Variants in TMEM178B observed in about 807,000 individuals in gnomAD.
TMEM178B encodes the protein transmembrane protein 178B.
Under a neutral mutation model 31.0 loss-of-function variants are expected in TMEM178B, and 5 were observed. The observed-to-expected ratio is 0.16, with a 90% CI of 0.08 to 0.34. The LOEUF (loss-of-function observed/expected upper bound fraction) is 0.34. TMEM178B is among the 10% of genes least tolerant of loss of function. The pLI is 1.00. For synonymous variants in TMEM178B, 164 were observed against 164.0 expected (o/e 1.00, Z 0.00); for missense variants, 275 against 400.3 (o/e 0.69, Z 2.67).
the TMEM178B span, among the ~76,000 whole-genome samples, chr7:141,494,837 G>A: frequency 2.4e-4 from 37 of 152,166 alleles, no homozygotes; most frequent in African/African-American, 4.8e-4. Context: ...AAATGTAGGC[G>A]CTGAGATAGT....
intron 2 of TMEM178B, among the ~76,000 whole-genome samples, chr7:141,301,381 A>G (rs953106525): frequency 1.3e-5 from 2 of 152,188 alleles, no homozygotes; most frequent in Non-Finnish European, 2.9e-5. Flanking sequence ...CTTAATTTGA[A>G]TAGGGACTTA....
chr7:141,481,798 A>G (rs1802481151), downstream of TMEM178B, among the ~76,000 whole-genome samples: 1 of 152,110 alleles, frequency 6.6e-6, no homozygotes, highest in African/African-American at 2.4e-5. Context: ...AAGAATGGAA[A>G]TACCACTGAT....
chr7:141,490,364 AAG>A, the TMEM178B span, among the ~76,000 whole-genome samples: 8 of 152,204 alleles, frequency 5.3e-5, no homozygotes, highest in Admixed American at 5.2e-4. Flanking sequence ...TGTCTGTAAA[AAG>A]AGGAAATTTG....
At chr7:141,504,689 A>G in the TMEM178B span, among the ~76,000 whole-genome samples, 3 of 152,248 alleles carry the variant, frequency 2.0e-5, no homozygotes, top group Non-Finnish European at 4.4e-5. Context: ...AATTACAACA[A>G]TCTTTCTTTT....
At chr7:141,148,696 A>T (rs1460946050) in intron 1 of TMEM178B, among the ~76,000 whole-genome samples, 2 of 152,268 alleles carry the variant, frequency 1.3e-5, no homozygotes, top group Non-Finnish European at 2.9e-5. Context: ...TGGTGCAGAG[A>T]ATAGAGCAGT....
intron 2 of TMEM178B, among the ~76,000 whole-genome samples, chr7:141,433,388 A>G (rs1439856022): frequency 3.3e-5 from 5 of 152,136 alleles, no homozygotes; most frequent in Non-Finnish European, 5.9e-5. Flanking sequence ...CTTCTCTGAT[A>G]CTGACTTTAG....
At chr7:141,489,413 C>T in the TMEM178B span, among the ~76,000 whole-genome samples, 1 of 152,350 alleles carries the variant, frequency 6.6e-6, no homozygotes, top group East Asian at 1.9e-4. Context: ...TTGGCTTCTT[C>T]TCCATCATTT....
chr7:141,241,557 T>G (rs1312376608), intron 2 of TMEM178B, among the ~76,000 whole-genome samples: 1 of 126,726 alleles, frequency 7.9e-6, no homozygotes, highest in Non-Finnish European at 1.6e-5. Context: ...GCTGTTGCAC[T>G]CCAGCCTGGG....
intron 1 of TMEM178B, among the ~76,000 whole-genome samples, chr7:141,203,067 A>G (rs1309216683): frequency 6.6e-6 from 1 of 152,196 alleles, no homozygotes; most frequent in Non-Finnish European, 1.5e-5. Flanking sequence ...AAAGAATCCA[A>G]TGTGATAATG....
At chr7:141,470,043 A>G (rs1366369926) in intron 3 of TMEM178B, among the ~76,000 whole-genome samples, 2 of 152,380 alleles carry the variant, frequency 1.3e-5, no homozygotes, top group African/African-American at 4.8e-5. Context: ...TTTTGGAAGA[A>G]TTGTTGGTGA....
intron 2 of TMEM178B, among the ~76,000 whole-genome samples, chr7:141,391,319 C>A (rs1175969344): frequency 6.6e-6 from 1 of 152,104 alleles, no homozygotes; most frequent in Non-Finnish European, 1.5e-5. Context: ...GTAGGCACCA[C>A]CACGCCCGGC....
intron 1 of TMEM178B, among the ~76,000 whole-genome samples, chr7:141,189,877 C>A (rs80146547): frequency 1.7e-3 from 256 of 152,204 alleles, no homozygotes; most frequent in East Asian, 6.8e-3. Context: ...TGTAGCTGTG[C>A]GTGTGGAACC....
At chr7:141,489,350 C>A in the TMEM178B span, among the ~76,000 whole-genome samples, 8 of 152,152 alleles carry the variant, frequency 5.3e-5, no homozygotes, top group Non-Finnish European at 8.8e-5. Context: ...ATTTTGCCCC[C>A]CTTTGTCCCT....
At chr7:141,277,015 G>A (rs1488652348) in intron 2 of TMEM178B, among the ~76,000 whole-genome samples, 2 of 152,210 alleles carry the variant, frequency 1.3e-5, no homozygotes, top group African/African-American at 2.4e-5. Context: ...GTTGCTCTGG[G>A]TGAGTCAGTG....
chr7:141,140,187 A>G (rs1332431127), intron 1 of TMEM178B, among the ~76,000 whole-genome samples: 1 of 152,150 alleles, frequency 6.6e-6, no homozygotes, highest in Non-Finnish European at 1.5e-5. Flanking sequence ...AGGCATCTGG[A>G]CATTCTCTCC....
chr7:141,450,528 G>C (rs1249667284), intron 3 of TMEM178B, among the ~76,000 whole-genome samples: 1 of 152,196 alleles, frequency 6.6e-6, no homozygotes, highest in Non-Finnish European at 1.5e-5. Flanking sequence ...GCAGAAAAGA[G>C]GACATTGCCA....
Position 141,276,812 on chromosome 7 carries a change from G to A in TMEM178B, c.496+64108G>A, listed in dbSNP as rs1444274185. ...CTATACACCTAGGCTATACAGCATA[G>A]CCTGTTGCTGCTAGGCTACAAACCT... On this transcript the variant is annotated intron_variant, in intron 2 of 3. Transcript: ENST00000565468. Among the ~76,000 whole-genome samples the A allele has an allele frequency of 2.6e-5, 4 of 152,314 alleles. No homozygotes were observed. In the South Asian group the frequency reaches 6.2e-4, roughly 24 times the overall value.
intron 1 of TMEM178B, among the ~76,000 whole-genome samples, chr7:141,205,200 G>A (rs1425796434): frequency 6.6e-6 from 1 of 152,166 alleles, no homozygotes; most frequent in African/African-American, 2.4e-5. Flanking sequence ...AGTAGTCTAG[G>A]AAAATCTGCT....
chr7:141,413,513 T>C (rs1801034138), intron 2 of TMEM178B, among the ~76,000 whole-genome samples: 1 of 152,242 alleles, frequency 6.6e-6, no homozygotes, highest in Non-Finnish European at 1.5e-5. Flanking sequence ...AAAGAAAAAG[T>C]GCTCTGTTCT....
Sources: gnomAD v4.1 joint callset for allele counts (sites outside exome capture counted in the v4.1 genomes callset) on GRCh38, gnomAD v4.1.1 for gene constraint, MANE v1.5 for transcripts, NCBI Gene and HGNC (gene_info 2026-07-23, HGNC 2026-07-21) for gene names.